SCLT1: variants seen among roughly 807,000 people sequenced by gnomAD.
The protein encoded by SCLT1 is sodium channel and clathrin linker 1.
Under a neutral mutation model 112.8 loss-of-function variants are expected in SCLT1, and 78 were observed. The ratio of observed to expected loss-of-function variants is 0.69; its 90% CI spans 0.58 to 0.83. The LOEUF (loss-of-function observed/expected upper bound fraction) is 0.83, where lower values mean the gene tolerates loss of function less well. SCLT1 is among the 40% of genes least tolerant of loss of function. SCLT1 has a pLI of 0.00. For synonymous variants in SCLT1, 257 were observed against 254.7 expected (o/e 1.01, Z -0.09); for missense variants, 747 against 770.4 (o/e 0.97, Z 0.36).
At chr4:129,035,659 T>G (rs533471723) in intron 5 of SCLT1, among the ~76,000 whole-genome samples, 1 of 152,236 alleles carries the variant, frequency 6.6e-6, no homozygotes, top group South Asian at 2.1e-4. Context: ...GAAAATGCTG[T>G]ACATGTATTC....
chr4:129,027,220 A>C (rs1316263458), intron 5 of SCLT1, among the ~76,000 whole-genome samples: 2 of 152,204 alleles, frequency 1.3e-5, no homozygotes, highest in East Asian at 3.8e-4. Context: ...CATCATCCTG[A>C]TACCAAAGCC....
intron 9 of SCLT1, among the ~76,000 whole-genome samples, chr4:128,988,667 C>A (rs181258019): frequency 2.4e-4 from 37 of 151,752 alleles, no homozygotes; most frequent in African/African-American, 8.7e-4. Context: ...GGACTAAATT[C>A]TCCAATAAAA....
rs201914219 is a variant in SCLT1, at chr4:128,974,850, CACA to C, written c.687-4385_687-4383del. On this transcript the variant is annotated intron_variant, in intron 9 of 20. Coordinates refer to ENST00000281142, the MANE Select transcript of SCLT1 (RefSeq NM_144643.4). ...ACAAAAAAATTTTGATTTAAAAAAA[CACA>C]ACTAGTTAACTATTAACAATCTTGA... Among the ~76,000 whole-genome samples, 246 of 151,820 alleles carry C rather than the reference CACA, an allele frequency of 1.6e-3. 2 individuals carry two copies. Among genetic ancestry groups the C allele is most frequent in the East Asian group, 0.014 (71 of 5,170 alleles).
chr4:128,912,062 G>A (rs10518540), intron 18 of SCLT1, among the ~76,000 whole-genome samples: 2,504 of 152,262 alleles, frequency 0.016, 55 homozygotes, highest in African/African-American at 0.051. Context: ...TTTTGAAAGC[G>A]AGTAATAACA....
chr4:128,945,575 A>T (rs1738081958), intron 16 of SCLT1, among the ~76,000 whole-genome samples: 1 of 152,080 alleles, frequency 6.6e-6, no homozygotes, highest in African/African-American at 2.4e-5. Flanking sequence ...CGGGGTGGGG[A>T]GGTAGAAAAA....
chr4:128,994,661 T>C (rs894918514), intron 8 of SCLT1, among the ~76,000 whole-genome samples: 3 of 152,138 alleles, frequency 2.0e-5, no homozygotes, highest in African/African-American at 7.2e-5. Context: ...TTTTTCCACA[T>C]CCTCTTCAAC....
At position 129,033,512 on chromosome 4, in the gene SCLT1, A is replaced by T. The variant is rs894180877; in HGVS notation, c.290+5529T>A. The stretch of plus-strand genomic sequence containing the variant: ...TCCCAGAACTTAAAGTAAAAAAAAA[A>T]AAAAAAAAAAAAAAAAAATTCAAAT... On this transcript the variant is annotated intron_variant, in intron 5 of 20. Coordinates refer to ENST00000281142, the MANE Select transcript of SCLT1 (RefSeq NM_144643.4). Among the ~76,000 whole-genome samples, 630 of 150,248 alleles carry T rather than the reference A, an allele frequency of 4.2e-3. 7 individuals are homozygous for T. The highest frequency in any genetic ancestry group is 0.015 in the African/African-American group (598 of 41,066).
At chr4:128,938,030 AG>A (rs1265403727) in intron 17 of SCLT1, among the ~76,000 whole-genome samples, 1 of 152,184 alleles carries the variant, frequency 6.6e-6, no homozygotes, top group Non-Finnish European at 1.5e-5. Context: ...AAAGGCAGCA[AG>A]GTGATTTGAC....
At chr4:129,015,321 A>C (rs906092729) in intron 5 of SCLT1, among the ~76,000 whole-genome samples, 4 of 152,040 alleles carry the variant, frequency 2.6e-5, no homozygotes, top group Non-Finnish European at 5.9e-5. Context: ...ACTCTGCTGG[A>C]GATCTCTGCA....
At chr4:128,901,483 G>C (rs1331253494) in intron 18 of SCLT1, among the ~76,000 whole-genome samples, 1 of 148,828 alleles carries the variant, frequency 6.7e-6, no homozygotes, top group African/African-American at 2.5e-5. Context: ...AGAACACAGG[G>C]ACACAGGAAG....
chr4:128,942,436 T>C (rs557196868), intron 17 of SCLT1, among the ~76,000 whole-genome samples: 14 of 152,218 alleles, frequency 9.2e-5, no homozygotes, highest in African/African-American at 2.4e-4. Context: ...ATTGTGTTAC[T>C]TGAAAGTCCC....
intron 5 of SCLT1, 27 bp downstream of exon 5, chr4:129,039,014 G>C (rs1364270266): frequency 5.3e-6 from 7 of 1,318,840 alleles, no homozygotes; most frequent in Non-Finnish European, 7.7e-6. Context: ...AATAATAAAA[G>C]ATAAAACCAA....
intron 2 of SCLT1, among the ~76,000 whole-genome samples, chr4:129,053,135 G>A (rs1748979755): frequency 1.3e-5 from 2 of 152,112 alleles, no homozygotes; most frequent in Admixed American, 1.3e-4. Context: ...GCTGAGGAGT[G>A]TTTTACTTCC....
At chr4:129,074,207 T>C (rs1011432943) in intron 2 of SCLT1, among the ~76,000 whole-genome samples, 3 of 152,178 alleles carry the variant, frequency 2.0e-5, no homozygotes, top group Non-Finnish European at 4.4e-5. Flanking sequence ...GTCATTTTAT[T>C]TTAACTTCAT....
chr4:128,880,535 G>A (rs1732616610), downstream of SCLT1, among the ~76,000 whole-genome samples: 1 of 152,094 alleles, frequency 6.6e-6, no homozygotes, highest in African/African-American at 2.4e-5. Context: ...ATTTAATAGG[G>A]ATAAATAACT....
chr4:128,961,106 T>C (rs960490783), intron 11 of SCLT1, among the ~76,000 whole-genome samples: 1 of 152,080 alleles, frequency 6.6e-6, no homozygotes, highest in African/African-American at 2.4e-5. Context: ...CTATTTTTTT[T>C]CAACTTTTGC....
In SCLT1 at chr4:129,060,729, G is replaced by A. The variant is rs190058447; in HGVS notation, c.103-16678C>T. On this transcript the variant is annotated intron_variant, in intron 2 of 20. Transcript: ENST00000281142. Reference sequence around the variant, plus strand: ...CTATATTTAATTTCACCACAATAGGGAGACTTATCAAGAGGATCCCTGTTG... The same window carrying A: ...CTATATTTAATTTCACCACAATAGGAAGACTTATCAAGAGGATCCCTGTTG... 3.8e-4 allele frequency among the ~76,000 whole-genome samples: 58 copies of A among 152,240 alleles called. No homozygotes were observed. In the East Asian group the frequency reaches 9.5e-3, roughly 25 times the overall value.
At chr4:129,008,361 C>A (rs951216417) in intron 5 of SCLT1, among the ~76,000 whole-genome samples, 2 of 152,112 alleles carry the variant, frequency 1.3e-5, no homozygotes, top group African/African-American at 4.8e-5. Context: ...CCATGTCTCT[C>A]GATTTCTATC....
At chr4:129,066,297 A>G (rs187112543) in intron 2 of SCLT1, among the ~76,000 whole-genome samples, 15 of 152,204 alleles carry the variant, frequency 9.9e-5, no homozygotes, top group Admixed American at 3.9e-4. Context: ...AGGAAATCTG[A>G]GATCAATAAC....
Sources: gnomAD v4.1 joint callset for allele counts (sites outside exome capture counted in the v4.1 genomes callset) on GRCh38, gnomAD v4.1.1 for gene constraint, MANE v1.5 for transcripts, NCBI Gene and HGNC (gene_info 2026-07-23, HGNC 2026-07-21) for gene names.